Variants in GPM6A observed in about 807,000 individuals in gnomAD.
GPM6A encodes neuronal membrane glycoprotein M6-a.
In GPM6A, 7 loss-of-function variants were observed where a neutral mutation model predicts 32.1. That is an observed-to-expected ratio of 0.22 (90% CI 0.12 to 0.41). The LOEUF (loss-of-function observed/expected upper bound fraction) is 0.41. Among genes scored for constraint, GPM6A ranks in the 10% least tolerant of loss-of-function variants. The pLI is 1.00. For synonymous variants in GPM6A, 130 were observed against 123.4 expected (o/e 1.05, Z -0.35); for missense variants, 235 against 347.2 (o/e 0.68, Z 2.57).
At chr4:175,875,326 C>T (rs180847429) in intron 1 of GPM6A, among the ~76,000 whole-genome samples, 251 of 152,208 alleles carry the variant, frequency 1.6e-3, no homozygotes, top group African/African-American at 5.7e-3. Context: ...TTTTCTTTTG[C>T]TTAAATTAGT....
intron 1 of GPM6A, among the ~76,000 whole-genome samples, chr4:175,868,082 T>C (rs1736795435): frequency 6.6e-6 from 1 of 152,192 alleles, no homozygotes; most frequent in African/African-American, 2.4e-5. Context: ...CTCGAGCTTT[T>C]GGTCCCCAGA....
chr4:175,655,570 ACT>A (rs769668595), intron 3 of GPM6A, among the ~76,000 whole-genome samples: 1 of 151,978 alleles, frequency 6.6e-6, no homozygotes, highest in Non-Finnish European at 1.5e-5. Context: ...GTTAGAATAA[ACT>A]CTGAGAATGT....
intron 1 of GPM6A, among the ~76,000 whole-genome samples, chr4:175,785,943 T>C (rs895831188): frequency 1.3e-5 from 2 of 151,942 alleles, no homozygotes; most frequent in Admixed American, 6.6e-5. Flanking sequence ...GAAAGACAGA[T>C]AATTACAGAA....
At position 175,754,212 on chromosome 4, in the gene GPM6A, T is replaced by C. The variant is rs556464725; in HGVS notation, c.38-52445A>G. Among the ~76,000 whole-genome samples, 37 of 152,276 alleles carry C rather than the reference T, an allele frequency of 2.4e-4. No individual in the cohort carries two copies. In the South Asian group the frequency reaches 2.5e-3, roughly 10 times the overall value. ...TTGAAAATAATGACTATTGGCTAGATGCATGGGTATGTGCCTGGCTGGCTG... is the reference window on the plus strand; with the variant it reads ...TTGAAAATAATGACTATTGGCTAGACGCATGGGTATGTGCCTGGCTGGCTG... On this transcript the variant is annotated intron_variant, in intron 1 of 6. Coordinates refer to ENST00000393658, the MANE Select transcript of GPM6A (RefSeq NM_201591.3).
In GPM6A at chr4:175,634,205, T is replaced by A. The variant is rs555591249; in HGVS notation, c.*700A>T. On this transcript the variant is annotated 3_prime_UTR_variant, in exon 7 of 7. Coordinates refer to ENST00000393658, the MANE Select transcript of GPM6A (RefSeq NM_201591.3). ...AACTAGCCATGCATTAGCATTACTGTTTCTACATGCTCACAACATAAACAT... is the reference window on the plus strand; with the variant it reads ...AACTAGCCATGCATTAGCATTACTGATTCTACATGCTCACAACATAAACAT... 4 of 152,678 alleles carry A rather than the reference T, an allele frequency of 2.6e-5. No homozygotes were observed. In the East Asian group the frequency reaches 7.7e-4, roughly 29 times the overall value. The allele number at this position is 152,678 out of a possible 1,614,324, so 9.5% of individuals were successfully genotyped here.
intron 1 of GPM6A, among the ~76,000 whole-genome samples, chr4:175,840,770 A>T (rs988068572): frequency 1.3e-5 from 2 of 152,202 alleles, no homozygotes; most frequent in Non-Finnish European, 2.9e-5. Flanking sequence ...TGATAATTCA[A>T]TGATATATCC....
intron 1 of GPM6A, among the ~76,000 whole-genome samples, chr4:175,981,601 T>C (rs78026340): frequency 0.031 from 4,721 of 152,282 alleles, 161 homozygotes; most frequent in African/African-American, 0.085. Context: ...ATTCCATCTA[T>C]GGCTGCACCA....
chr4:175,812,339 T>TTTTTA, upstream of GPM6A: 3 of 1,304,900 alleles, frequency 2.3e-6, no homozygotes, highest in Non-Finnish European at 2.0e-6. Context: ...TTTTTTTTTT[T>TTTTTA]TCCTGGGAAG....
At chr4:175,760,219 A>G (rs1732684815) in intron 1 of GPM6A, among the ~76,000 whole-genome samples, 1 of 152,078 alleles carries the variant, frequency 6.6e-6, no homozygotes. Flanking sequence ...AAATCTAAAT[A>G]AATACATCTA....
chr4:175,978,315 G>A (rs1033707382), intron 1 of GPM6A, among the ~76,000 whole-genome samples: 1 of 152,126 alleles, frequency 6.6e-6, no homozygotes, highest in African/African-American at 2.4e-5. Flanking sequence ...CAGATCTCGT[G>A]AGAACTCACT....
intron 1 of GPM6A, among the ~76,000 whole-genome samples, chr4:175,853,409 G>A (rs187880096): frequency 2.2e-3 from 327 of 151,494 alleles, no homozygotes; most frequent in Admixed American, 7.0e-3. Context: ...TAAAATCTTG[G>A]CTAAAATCTT....
chr4:175,737,067 G>A (rs894265957), intron 1 of GPM6A, among the ~76,000 whole-genome samples: 6 of 152,144 alleles, frequency 3.9e-5, no homozygotes, highest in African/African-American at 7.2e-5. Flanking sequence ...GACTTTTAAA[G>A]AACTCTAGAT....
intron 1 of GPM6A, among the ~76,000 whole-genome samples, chr4:175,737,553 C>A (rs760009026): frequency 2.6e-5 from 4 of 152,082 alleles, no homozygotes; most frequent in Non-Finnish European, 5.9e-5. Flanking sequence ...CTCTTTTATG[C>A]CTTTGAGAAT....
intron 1 of GPM6A, among the ~76,000 whole-genome samples, chr4:175,841,835 G>A (rs533078172): frequency 5.9e-5 from 9 of 152,092 alleles, no homozygotes; most frequent in East Asian, 3.9e-4. Flanking sequence ...TCTGAAAAAC[G>A]GAGAAGTAAA....
chr4:175,995,378 A>T (rs931311778), intron 1 of GPM6A, among the ~76,000 whole-genome samples: 4 of 76,162 alleles, frequency 5.3e-5, no homozygotes, highest in African/African-American at 2.5e-4. Context: ...TCAATTTGTA[A>T]AAAAAAAAAA....
chr4:175,821,257 T>A (rs1735269128), intron 1 of GPM6A, among the ~76,000 whole-genome samples: 2 of 152,202 alleles, frequency 1.3e-5, no homozygotes, highest in Non-Finnish European at 2.9e-5. Flanking sequence ...GAACATTTTC[T>A]TGCAATTAGC....
intron 1 of GPM6A, among the ~76,000 whole-genome samples, chr4:175,900,962 T>C (rs1737945570): frequency 6.6e-6 from 1 of 152,146 alleles, no homozygotes; most frequent in Non-Finnish European, 1.5e-5. Context: ...TGAGATCCAG[T>C]CATTTGCAAC....
intron 1 of GPM6A, among the ~76,000 whole-genome samples, chr4:175,999,849 C>T: frequency 6.6e-6 from 1 of 152,190 alleles, no homozygotes; most frequent in African/African-American, 2.4e-5. Context: ...GACTCTAATG[C>T]TAAACTCCCT....
intron 4 of GPM6A, among the ~76,000 whole-genome samples, chr4:175,644,510 T>C (rs142247883): frequency 5.9e-5 from 9 of 151,762 alleles, no homozygotes; most frequent in Admixed American, 3.9e-4. Context: ...CAAATAGATA[T>C]AATATATATT....
Sources: gnomAD v4.1 joint callset for allele counts (sites outside exome capture counted in the v4.1 genomes callset) on GRCh38, gnomAD v4.1.1 for gene constraint, MANE v1.5 for transcripts, NCBI Gene and HGNC (gene_info 2026-07-23, HGNC 2026-07-21) for gene names.